FBXL20: variants seen among roughly 807,000 people sequenced by gnomAD.
FBXL20 encodes F-box and leucine rich repeat protein 20, also known as F-box/LRR-repeat protein 20.
FBXL20 carries 11 observed loss-of-function variants against 64.0 expected under a neutral mutation model. The ratio of observed to expected loss-of-function variants is 0.17; its 90% CI spans 0.11 to 0.28. The LOEUF (loss-of-function observed/expected upper bound fraction) is 0.28, where lower values mean the gene tolerates loss of function less well. FBXL20 is among the 10% of genes least tolerant of loss of function. The pLI, the probability that FBXL20 is intolerant of heterozygous loss-of-function variation, is 1.00. For missense variants in FBXL20, 303 were observed against 526.2 expected, an observed-to-expected ratio of 0.58 and a Z score of 4.15; for synonymous variants, 184 against 189.0, an observed-to-expected ratio of 0.97 and a Z score of 0.22.
At chr17:39,309,803 A>C (rs1480462256) in intron 2 of FBXL20, among the ~76,000 whole-genome samples, 1 of 151,296 alleles carries the variant, frequency 6.6e-6, no homozygotes, top group Non-Finnish European at 1.5e-5. Context: ...AAAAAAAAAA[A>C]AAGAAAAGAA....
chr17:39,378,286 C>T (rs1392357742), intron 1 of FBXL20, among the ~76,000 whole-genome samples: 1 of 152,004 alleles, frequency 6.6e-6, no homozygotes, highest in Non-Finnish European at 1.5e-5. Context: ...ACTCTTATAA[C>T]CCAACAATAA....
At position 39,399,742 on chromosome 17, in the gene FBXL20, G is replaced by C. The variant is rs899433778; in HGVS notation, c.42+1619C>G. Among the ~76,000 whole-genome samples, 4 of 151,480 alleles carry C rather than the reference G, an allele frequency of 2.6e-5. No homozygotes were observed. In the East Asian group the frequency reaches 5.8e-4, roughly 22 times the overall value. On this transcript the variant is annotated intron_variant, in intron 1 of 14. Coordinates refer to ENST00000264658, the MANE Select transcript of FBXL20 (RefSeq NM_032875.3). ...CAAATTTCCTTATTACTTTATTATAGTATGCCACCCCTACAGAGATTGTAA... is the reference window on the plus strand; with the variant it reads ...CAAATTTCCTTATTACTTTATTATACTATGCCACCCCTACAGAGATTGTAA...
intron 1 of FBXL20, among the ~76,000 whole-genome samples, chr17:39,381,056 A>G (rs1237347679): frequency 3.7e-4 from 56 of 152,114 alleles, no homozygotes; most frequent in Non-Finnish European, 1.5e-5. Context: ...GCTAGTCAGG[A>G]GGCTGAAGCA....
chr17:39,299,160 G>T (rs995305673), intron 4 of FBXL20, 76 bp from the exon 5 acceptor site: 4 of 1,029,550 alleles, frequency 3.9e-6, no homozygotes, highest in Non-Finnish European at 5.8e-6. Context: ...CATTTTTAAC[G>T]ATTTATAAAC....
chr17:39,288,093 A>G (rs1231953799), intron 6 of FBXL20, among the ~76,000 whole-genome samples: 1 of 150,726 alleles, frequency 6.6e-6, no homozygotes, highest in East Asian at 2.0e-4. Context: ...CCTCCAGAGT[A>G]GCTGGGACTA....
At chr17:39,386,236 G>C (rs1041401576) in intron 1 of FBXL20, among the ~76,000 whole-genome samples, 1 of 152,060 alleles carries the variant, frequency 6.6e-6, no homozygotes, top group African/African-American at 2.4e-5. Context: ...GAACCTGGGA[G>C]GCAGAGGTTG....
At position 39,300,985 on chromosome 17, in the gene FBXL20, C is replaced by T. The variant is rs201170329; in HGVS notation, c.234+16G>A. The T allele has an allele frequency of 1.2e-6, 2 of 1,612,622 alleles. No homozygotes were observed. Among genetic ancestry groups the T allele is most frequent in the Non-Finnish European group, 1.7e-6 (2 of 1,178,986 alleles). ...TACTAACATGAAAACTGGGGCCACA[C>T]ACCACATAATTATACCTCAATATCC... is the stretch of plus-strand genomic sequence containing the variant. On this transcript the variant is annotated intron_variant, in intron 4 of 14. Transcript: ENST00000264658.
chr17:39,290,062 CTT>C (rs2047025028), intron 6 of FBXL20, among the ~76,000 whole-genome samples: 1 of 134,888 alleles, frequency 7.4e-6, no homozygotes, highest in African/African-American at 2.8e-5. Context: ...TTACTTAAGT[CTT>C]TTTAAAATTT....
chr17:39,302,374 CT>C lies in FBXL20; in HGVS notation c.159+1210del, dbSNP rs35716617. Among the ~76,000 whole-genome samples the C allele has an allele frequency of 3.6e-3, 466 of 129,906 alleles. 1 individual carries two copies. Among genetic ancestry groups the C allele is most frequent in the South Asian group, 0.025 (104 of 4,124 alleles). The allele number at this position is 129,906 out of a possible 152,430, so 85.2% of individuals were successfully genotyped here. A position where few individuals can be genotyped will look rare whatever the true frequency, so the allele number is the denominator to read the frequency against. On this transcript the variant is annotated intron_variant, in intron 3 of 14. Transcript: ENST00000264658. Reference sequence around the variant, plus strand: ...CACAGGCATGCACCACCGCATTTGGCTTTTTTTTTTTTTTTTTGAGACGGAG... The same window carrying C: ...CACAGGCATGCACCACCGCATTTGGCTTTTTTTTTTTTTTTTGAGACGGAG...
At chr17:39,314,990 T>A (rs181631089) in intron 2 of FBXL20, among the ~76,000 whole-genome samples, 136 of 151,962 alleles carry the variant, frequency 8.9e-4, no homozygotes, top group African/African-American at 3.1e-3. Context: ...AGAGACGGGG[T>A]TTCACCATGT....
chr17:39,276,026 C>G (rs1240317198), intron 9 of FBXL20, among the ~76,000 whole-genome samples: 1 of 151,550 alleles, frequency 6.6e-6, no homozygotes, highest in African/African-American at 2.4e-5. Flanking sequence ...GTGGGTGGAT[C>G]ACCTGAGGTC....
chr17:39,383,055 C>G (rs1417129044), intron 1 of FBXL20, among the ~76,000 whole-genome samples: 1 of 148,926 alleles, frequency 6.7e-6, no homozygotes, highest in Non-Finnish European at 1.5e-5. Flanking sequence ...CCCAGCTACT[C>G]AGAAGGCTCA....
intron 1 of FBXL20, among the ~76,000 whole-genome samples, chr17:39,393,600 A>T (rs1411082058): frequency 6.6e-6 from 1 of 152,224 alleles, no homozygotes; most frequent in Non-Finnish European, 1.5e-5. Context: ...ATCAAGGACA[A>T]AAATGATATA....
intron 2 of FBXL20, among the ~76,000 whole-genome samples, chr17:39,322,837 C>T (rs1400977175): frequency 2.0e-5 from 3 of 152,130 alleles, no homozygotes; most frequent in Non-Finnish European, 4.4e-5. Flanking sequence ...CAGAGTCTCG[C>T]TCTGTCATCC....
At chr17:39,303,362 G>A (rs2047154986) in intron 3 of FBXL20, among the ~76,000 whole-genome samples, 1 of 151,986 alleles carries the variant, frequency 6.6e-6, no homozygotes, top group Admixed American at 6.6e-5. Flanking sequence ...AATGTTTCCT[G>A]TTTATATTAC....
chr17:39,363,510 T>C (rs1184935892), intron 1 of FBXL20, among the ~76,000 whole-genome samples: 3 of 151,720 alleles, frequency 2.0e-5, no homozygotes, highest in African/African-American at 4.8e-5. Context: ...GCCACATGTC[T>C]ATACAAACAG....
chr17:39,319,681 A>G (rs1017581827), intron 2 of FBXL20, among the ~76,000 whole-genome samples: 4 of 150,896 alleles, frequency 2.7e-5, no homozygotes, highest in South Asian at 2.1e-4. Flanking sequence ...ATCAAAAAAA[A>G]AAAAAAAAAA....
In FBXL20 at chr17:39,318,217, T is replaced by A. The variant is rs536450697; in HGVS notation, c.105-14578A>T. Among the ~76,000 whole-genome samples the A allele has an allele frequency of 3.7e-4, 56 of 152,246 alleles. 1 individual carries two copies. The highest frequency in any genetic ancestry group is 1.3e-3 in the African/African-American group (53 of 41,554). On this transcript the variant is annotated intron_variant, in intron 2 of 14. Coordinates refer to ENST00000264658, the MANE Select transcript of FBXL20 (RefSeq NM_032875.3). ...GTGTTCGTTGGAGTTAAGAATTCCA[T>A]GAGAAAGAGTAGATTTTAGTGGATA...
chr17:39,397,801 T>G (rs965447896), intron 1 of FBXL20, among the ~76,000 whole-genome samples: 4 of 151,540 alleles, frequency 2.6e-5, no homozygotes, highest in Non-Finnish European at 4.4e-5. Flanking sequence ...TTCCACAAAT[T>G]TTATAGACTT....
Sources: allele counts gnomAD v4.1 joint callset (sites outside exome capture counted in the v4.1 genomes callset), GRCh38; gene constraint gnomAD v4.1.1; transcripts MANE v1.5; gene names NCBI Gene and HGNC (gene_info 2026-07-23, HGNC 2026-07-21).